PARD3B: variants seen among roughly 807,000 people sequenced by gnomAD.
PARD3B encodes par-3 family cell polarity regulator beta.
PARD3B carries 103 observed loss-of-function variants against 130.2 expected under a neutral mutation model. That is an observed-to-expected ratio of 0.79 (90% CI 0.67 to 0.93). The LOEUF is 0.93. PARD3B is among the 40% of genes least tolerant of loss of function. The pLI, the probability that PARD3B is intolerant of heterozygous loss-of-function variation, is 0.00. For synonymous variants in PARD3B, 583 were observed against 553.2 expected (o/e 1.05, Z -0.76); for missense variants, 1,609 against 1,499.2 (o/e 1.07, Z -1.21).
In PARD3B at chr2:205,118,950, A is replaced by G; in HGVS notation, c.710A>G (p.Glu237Gly). 6.2e-7 allele frequency: 1 copy of G among 1,608,436 alleles called. No individual in the cohort carries two copies. Among genetic ancestry groups the G allele is most frequent in the Non-Finnish European group, 8.5e-7 (1 of 1,177,832 alleles). Residue 237 changes from glutamate (E) to glycine (G), a missense_variant, in exon 7 of 23, where the codon GAA becomes GGA. Coordinates refer to ENST00000406610, the MANE Select transcript of PARD3B (RefSeq NM_001302769.2). ...RILGLFIRGI[E>G]DNSRSKREGL... ...CTAGGACTCTTCATCCGAGGCATTG[A>G]AGACAACAGCAGGTCCAAGCGGGAG...
At position 204,587,952 on chromosome 2, in the gene PARD3B, G is replaced by A. The variant is rs181343171; in HGVS notation, c.120+41833G>A. ...CCATGTGAAGAAGGCCTCCCCAGCCGTGCTGAACTGTGAGTCAATTAAACC... is the reference window on the plus strand; with the variant it reads ...CCATGTGAAGAAGGCCTCCCCAGCCATGCTGAACTGTGAGTCAATTAAACC... On this transcript the variant is annotated intron_variant, in intron 1 of 22. Transcript: ENST00000406610. Among the ~76,000 whole-genome samples, 64 of 152,234 alleles carry A rather than the reference G, an allele frequency of 4.2e-4. 1 individual carries two copies. Among genetic ancestry groups the A allele is most frequent in the Middle Eastern group, 3.4e-3 (1 of 294 alleles).
chr2:204,704,490 A>G (rs1433852759), intron 2 of PARD3B, among the ~76,000 whole-genome samples: 11 of 152,186 alleles, frequency 7.2e-5, no homozygotes, highest in Admixed American at 7.2e-4. Context: ...TTCATAAAGA[A>G]CCATCTGAGG....
intron 15 of PARD3B, among the ~76,000 whole-genome samples, chr2:205,217,868 G>GTATATATATA (rs1233399793): frequency 4.2e-5 from 2 of 47,144 alleles, no homozygotes; most frequent in Admixed American, 3.4e-4. Flanking sequence ...GTGTGTGTGT[G>GTATATATATA]TATATATATA....
chr2:205,583,318 A>T (rs560493512), intron 22 of PARD3B, among the ~76,000 whole-genome samples: 2 of 152,130 alleles, frequency 1.3e-5, no homozygotes, highest in Non-Finnish European at 1.5e-5. Flanking sequence ...TGATGGAAGG[A>T]ATTAGGAAAC....
chr2:205,185,809 C>A lies in PARD3B; in HGVS notation c.1970C>A (p.Pro657His). The A allele has an allele frequency of 6.2e-7, 1 of 1,614,100 alleles. No homozygotes were observed. Among genetic ancestry groups the A allele is most frequent in the Non-Finnish European group, 8.5e-7 (1 of 1,179,984 alleles). Residue 657 changes from proline (P) to histidine (H), a missense_variant, in exon 14 of 23, where the codon CCT becomes CAT. Pro to His is a moderately conservative substitution (Grantham distance 77). Coordinates refer to ENST00000406610, the MANE Select transcript of PARD3B (RefSeq NM_001302769.2). ...NDGWAESEVPPSPTPHSALGL... is the reference protein window; with the variant it reads ...NDGWAESEVPHSPTPHSALGL... The stretch of plus-strand genomic sequence containing the variant: ...GGATGGGCCGAGAGTGAAGTTCCAC[C>A]TTCTCCAACACCACATTCTGCTCTG...
At chr2:204,648,447 T>C (rs1034080101) in intron 1 of PARD3B, among the ~76,000 whole-genome samples, 8 of 149,352 alleles carry the variant, frequency 5.4e-5, no homozygotes, top group African/African-American at 2.0e-4. Context: ...TGAACATTCA[T>C]GGACAAGTGT....
chr2:204,549,404 T>A (rs538459953), intron 1 of PARD3B, among the ~76,000 whole-genome samples: 39 of 152,196 alleles, frequency 2.6e-4, no homozygotes, highest in Non-Finnish European at 4.7e-4. Flanking sequence ...TTAGTTAAAT[T>A]TATCATCAAA....
rs1462920840 is a variant in PARD3B, at chr2:205,269,045, G to T, written c.2185+23223G>T. On this transcript the variant is annotated intron_variant, in intron 16 of 22. Coordinates refer to ENST00000406610, the MANE Select transcript of PARD3B (RefSeq NM_001302769.2). This position sits in a 1 kb window ranked among gnomAD's most constrained non-coding sequence, Gnocchi z 4.7. ...AGGTATTATTCCATTTTGTAGATGAGAAAATTGAGGTTTTGAGGCAAATAG... is the reference window on the plus strand; with the variant it reads ...AGGTATTATTCCATTTTGTAGATGATAAAATTGAGGTTTTGAGGCAAATAG... 6.6e-6 allele frequency among the ~76,000 whole-genome samples: 1 copy of T among 152,106 alleles called. No homozygotes were observed. Among genetic ancestry groups the T allele is most frequent in the Non-Finnish European group, 1.5e-5 (1 of 67,996 alleles).
rs184264262 is a variant in PARD3B, at chr2:205,078,350, A to T, written c.505-26076A>T. ...GGCTATCGCAGCATCATTCTTCATA[A>T]TTTTTATTAATTGTATGGTTTTCCT... On this transcript the variant is annotated intron_variant, in intron 4 of 22. Coordinates refer to ENST00000406610, the MANE Select transcript of PARD3B (RefSeq NM_001302769.2). The surrounding 1 kb of genome is among the most constrained non-coding windows in gnomAD (Gnocchi z 4.0). Among the ~76,000 whole-genome samples the T allele has an allele frequency of 6.6e-6, 1 of 152,106 alleles. No individual in the cohort carries two copies. The highest frequency in any genetic ancestry group is 2.4e-5 in the African/African-American group (1 of 41,436).
chr2:204,836,497 T>C (rs1311204893), intron 2 of PARD3B, among the ~76,000 whole-genome samples: 1 of 151,994 alleles, frequency 6.6e-6, no homozygotes, highest in Non-Finnish European at 1.5e-5. Context: ...ACCCCGTCTC[T>C]ACTAAAAATA....
chr2:205,002,518 T>C (rs1367134263), intron 3 of PARD3B, among the ~76,000 whole-genome samples: 1 of 152,196 alleles, frequency 6.6e-6, no homozygotes, highest in Non-Finnish European at 1.5e-5. Context: ...TCCTCTCTGC[T>C]GTCCTGAAGC....
chr2:205,391,030 T>G (rs1455201798), intron 18 of PARD3B, among the ~76,000 whole-genome samples: 1 of 152,214 alleles, frequency 6.6e-6, no homozygotes, highest in Non-Finnish European at 1.5e-5. Context: ...AGCTGTTTCC[T>G]GTGGGGACCA....
chr2:204,967,995 AC>A lies in PARD3B; in HGVS notation c.394+2675del, dbSNP rs1193022833. Among the ~76,000 whole-genome samples the A allele has an allele frequency of 1.3e-5, 2 of 152,052 alleles. No individual in the cohort carries two copies. The highest frequency in any genetic ancestry group is 2.9e-5 in the Non-Finnish European group (2 of 67,968). ...GTGCTCATGAAATGTCAGCCATTGAACCCAGGCCCTTCATCTCCCTTCCCCA... is the reference window on the plus strand; with the variant it reads ...GTGCTCATGAAATGTCAGCCATTGAACCAGGCCCTTCATCTCCCTTCCCCA... On this transcript the variant is annotated intron_variant, in intron 3 of 22. Coordinates refer to ENST00000406610, the MANE Select transcript of PARD3B (RefSeq NM_001302769.2). The surrounding 1 kb of genome is among the most constrained non-coding windows in gnomAD (Gnocchi z 4.4).
At position 204,803,771 on chromosome 2, in the gene PARD3B, G is replaced by A. The variant is rs543748285; in HGVS notation, c.222+117489G>A. ...CAGAGAAAACCACATTCACTAAAAC[G>A]AAGACAGGAAGGAAAGAAGGAAGGA... On this transcript the variant is annotated intron_variant, in intron 2 of 22. Coordinates refer to ENST00000406610, the MANE Select transcript of PARD3B (RefSeq NM_001302769.2). Among the ~76,000 whole-genome samples, 32 of 152,100 alleles carry A rather than the reference G, an allele frequency of 2.1e-4. No homozygotes were observed. In the South Asian group the frequency reaches 5.2e-3, roughly 25 times the overall value.
intron 21 of PARD3B, among the ~76,000 whole-genome samples, chr2:205,532,877 A>AACTT (rs759131982): frequency 1.7e-4 from 26 of 152,190 alleles, no homozygotes; most frequent in Non-Finnish European, 3.4e-4. Flanking sequence ...AAATCAATGC[A>AACTT]ACTTAATTAA....
chr2:205,516,329 G>C (rs560328190), intron 21 of PARD3B, among the ~76,000 whole-genome samples: 1 of 151,594 alleles, frequency 6.6e-6, no homozygotes, highest in Admixed American at 6.6e-5. Context: ...ATTCCATATG[G>C]ATCTGTAAAT....
At chr2:205,222,482 A>G (rs1215165904) in intron 15 of PARD3B, among the ~76,000 whole-genome samples, 5 of 152,226 alleles carry the variant, frequency 3.3e-5, no homozygotes, top group Non-Finnish European at 4.4e-5. Flanking sequence ...GATAACACAT[A>G]TTGAAATGCT....
intron 10 of PARD3B, among the ~76,000 whole-genome samples, chr2:205,129,971 T>TAGC (rs1201285563): frequency 6.6e-6 from 1 of 152,188 alleles, no homozygotes; most frequent in Non-Finnish European, 1.5e-5. Context: ...GTCCCAAGTT[T>TAGC]AGCAGCATAT....
intron 1 of PARD3B, among the ~76,000 whole-genome samples, chr2:204,671,921 A>C (rs944648978): frequency 6.6e-6 from 1 of 152,208 alleles, no homozygotes; most frequent in African/African-American, 2.4e-5. Context: ...AGTGTAATAT[A>C]ATCGTCGGAA....
Sources: allele counts gnomAD v4.1 joint callset (sites outside exome capture counted in the v4.1 genomes callset), GRCh38; gene constraint gnomAD v4.1.1; non-coding constraint Gnocchi (gnomAD v3.1); transcripts MANE v1.5; gene names NCBI Gene and HGNC (gene_info 2026-07-23, HGNC 2026-07-21).